NKAIN2: variants seen among roughly 807,000 people sequenced by gnomAD.
NKAIN2 encodes the protein sodium/potassium-transporting ATPase subunit beta-1-interacting protein 2.
In NKAIN2, 14 loss-of-function variants were observed where a neutral mutation model predicts 32.6. That is an observed-to-expected ratio of 0.43 (90% CI 0.28 to 0.67). NKAIN2 has a LOEUF of 0.67. Among genes scored for constraint, NKAIN2 ranks in the 30% least tolerant of loss-of-function variants. The pLI is 0.17. For synonymous variants in NKAIN2, 80 were observed against 87.2 expected (o/e 0.92, Z 0.46); for missense variants, 198 against 258.3 (o/e 0.77, Z 1.60).
At chr6:124,012,080 ATAAT>A (rs1276613481) in intron 1 of NKAIN2, among the ~76,000 whole-genome samples, 1 of 151,972 alleles carries the variant, frequency 6.6e-6, no homozygotes, top group African/African-American at 2.4e-5. Flanking sequence ...TAAAATGCAT[ATAAT>A]TAAAGTACAC....
intron 1 of NKAIN2, among the ~76,000 whole-genome samples, chr6:124,060,640 GC>G (rs1782879855): frequency 6.6e-6 from 1 of 152,054 alleles, no homozygotes; most frequent in South Asian, 2.1e-4. Flanking sequence ...TAAATCCATT[GC>G]CTTGAATAGT....
chr6:123,975,368 A>C (rs1385627092), intron 1 of NKAIN2, among the ~76,000 whole-genome samples: 2 of 152,214 alleles, frequency 1.3e-5, no homozygotes, highest in African/African-American at 2.4e-5. Context: ...GCATAATTGA[A>C]TTATACAAAA....
At chr6:124,453,034 A>C (rs1776170818) in intron 3 of NKAIN2, among the ~76,000 whole-genome samples, 1 of 152,008 alleles carries the variant, frequency 6.6e-6, no homozygotes, top group Admixed American at 6.6e-5. Context: ...GTCTCTGTTC[A>C]GTAGATGCCA....
chr6:124,470,607 C>A (rs975719460), intron 3 of NKAIN2, among the ~76,000 whole-genome samples: 10 of 152,092 alleles, frequency 6.6e-5, no homozygotes, highest in Non-Finnish European at 1.3e-4. Flanking sequence ...AATAGTAAAT[C>A]TTTTCTCTGA....
chr6:124,688,690 CT>C (rs1272509109), intron 4 of NKAIN2, among the ~76,000 whole-genome samples: 12 of 152,082 alleles, frequency 7.9e-5, no homozygotes, highest in African/African-American at 2.9e-4. Context: ...TGTCTCTATA[CT>C]TCTGTCTTTT....
chr6:124,643,565 G>A (rs1184461341), intron 3 of NKAIN2, among the ~76,000 whole-genome samples: 1 of 152,050 alleles, frequency 6.6e-6, no homozygotes, highest in Non-Finnish European at 1.5e-5. Context: ...ATAGCCCCAT[G>A]ATGTCATATA....
chr6:124,393,985 A>T (rs1167013456), intron 3 of NKAIN2, among the ~76,000 whole-genome samples: 1 of 152,142 alleles, frequency 6.6e-6, no homozygotes, highest in Non-Finnish European at 1.5e-5. Context: ...GAAAGAGTTG[A>T]ATCCCAGACT....
At chr6:124,100,874 A>C (rs1784852819) in intron 1 of NKAIN2, among the ~76,000 whole-genome samples, 2 of 152,210 alleles carry the variant, frequency 1.3e-5, no homozygotes, top group South Asian at 4.1e-4. Context: ...CCCAGAGGCA[A>C]GGAAGCAAAA....
Position 124,425,323 on chromosome 6 carries a change from A to G in NKAIN2, c.273+69976A>G, listed in dbSNP as rs570574224. Among the ~76,000 whole-genome samples the G allele has an allele frequency of 7.9e-5, 12 of 152,294 alleles. 1 individual carries two copies. In the South Asian group the frequency reaches 1.7e-3, roughly 21 times the overall value. On this transcript the variant is annotated intron_variant, in intron 3 of 6. Coordinates refer to ENST00000368417, the MANE Select transcript of NKAIN2 (RefSeq NM_001040214.3). The stretch of plus-strand genomic sequence containing the variant: ...TGATATACACAATAATCAATTCGAA[A>G]TGGGTTAAAGACTTAAATATAAGAC...
At chr6:124,575,823 C>A (rs1781311504) in intron 3 of NKAIN2, among the ~76,000 whole-genome samples, 1 of 152,094 alleles carries the variant, frequency 6.6e-6, no homozygotes, top group African/African-American at 2.4e-5. Context: ...GGTCCATGAA[C>A]CCCTGGAAGT....
chr6:123,963,728 A>T (rs1289639766), intron 1 of NKAIN2, among the ~76,000 whole-genome samples: 1 of 152,194 alleles, frequency 6.6e-6, no homozygotes, highest in Non-Finnish European at 1.5e-5. Flanking sequence ...TCGAGTTCAA[A>T]TACTATCTTT....
chr6:124,279,510 C>CAAAA (rs10545991), intron 1 of NKAIN2, among the ~76,000 whole-genome samples: 2 of 78,710 alleles, frequency 2.5e-5, no homozygotes, highest in Non-Finnish European at 2.8e-5. Context: ...GATTCCATCT[C>CAAAA]AAAAAAAAAA....
chr6:123,950,730 C>A (rs1173308880), intron 1 of NKAIN2, among the ~76,000 whole-genome samples: 2 of 151,646 alleles, frequency 1.3e-5, no homozygotes, highest in Non-Finnish European at 2.9e-5. Flanking sequence ...TTTATCTTTT[C>A]AAAAAACCAG....
intron 1 of NKAIN2, among the ~76,000 whole-genome samples, chr6:123,998,753 G>C (rs1474493948): frequency 6.9e-6 from 1 of 145,896 alleles, no homozygotes; most frequent in African/African-American, 2.6e-5. Context: ...CTGTGTGTGT[G>C]TGTGTGTGTG....
At chr6:123,916,829 T>TTATCTATC (rs3038597) in intron 1 of NKAIN2, among the ~76,000 whole-genome samples, 115,560 of 150,816 alleles carry the variant, frequency 0.77, 44,838 homozygotes, top group East Asian at 0.9. Context: ...ATCTATCTAT[T>TTATCTATC]TATCTATCTA....
intron 1 of NKAIN2, among the ~76,000 whole-genome samples, chr6:124,200,983 C>T (rs930137497): frequency 6.6e-6 from 1 of 152,042 alleles, no homozygotes; most frequent in South Asian, 2.1e-4. Context: ...ATCACAAGGA[C>T]AGGGTCAAAG....
chr6:124,067,681 A>G (rs112526581), intron 1 of NKAIN2, among the ~76,000 whole-genome samples: 2,043 of 152,240 alleles, frequency 0.013, 34 homozygotes, highest in African/African-American at 0.039. Context: ...TAGTGGTAAA[A>G]CATCAGTATG....
At chr6:124,378,813 A>G (rs1380600846) in intron 3 of NKAIN2, among the ~76,000 whole-genome samples, 1 of 151,730 alleles carries the variant, frequency 6.6e-6, no homozygotes, top group Non-Finnish European at 1.5e-5. Context: ...ATGAGGACTG[A>G]GAGCAGTGGC....
At chr6:124,115,725 C>T (rs913963932) in intron 1 of NKAIN2, among the ~76,000 whole-genome samples, 1 of 152,014 alleles carries the variant, frequency 6.6e-6, no homozygotes, top group Non-Finnish European at 1.5e-5. Flanking sequence ...AAGACACCAT[C>T]AGTTACACCA....
Sources: allele counts gnomAD v4.1 joint callset (sites outside exome capture counted in the v4.1 genomes callset), GRCh38; gene constraint gnomAD v4.1.1; transcripts MANE v1.5; gene names NCBI Gene and HGNC (gene_info 2026-07-23, HGNC 2026-07-21).